Variants in VPS8 observed in about 807,000 individuals in gnomAD.
VPS8 encodes vacuolar protein sorting-associated protein 8 homolog.
Under a neutral mutation model 216.4 loss-of-function variants are expected in VPS8, and 129 were observed. That is an observed-to-expected ratio of 0.60 (90% CI 0.52 to 0.69). The LOEUF is 0.69. Among genes scored for constraint, VPS8 ranks in the 30% least tolerant of loss-of-function variants. The pLI is 0.00. For synonymous variants in VPS8, 571 were observed against 565.4 expected, an observed-to-expected ratio of 1.01 and a Z score of -0.14; for missense variants, 1,531 against 1,683.5, an observed-to-expected ratio of 0.91 and a Z score of 1.59.
intron 43 of VPS8, among the ~76,000 whole-genome samples, 161 bp downstream of exon 43, chr3:184,994,224 A>T (rs757198866): frequency 2.6e-5 from 4 of 152,086 alleles, no homozygotes; most frequent in Non-Finnish European, 5.9e-5. Context: ...TTCTCTCGCC[A>T]GGCATGGTAA....
intron 45 of VPS8, among the ~76,000 whole-genome samples, chr3:185,004,090 G>C (rs547749381): frequency 3.3e-5 from 5 of 152,248 alleles, no homozygotes; most frequent in Non-Finnish European, 5.9e-5. Flanking sequence ...CGGCCAGGCA[G>C]AGGCTGCAAT....
intron 28 of VPS8, among the ~76,000 whole-genome samples, chr3:184,915,685 T>G (rs1737429630): frequency 6.6e-6 from 1 of 152,168 alleles, no homozygotes; most frequent in Admixed American, 6.5e-5. Context: ...GGCAGGTGCC[T>G]GTAATCCCAG....
intron 30 of VPS8, among the ~76,000 whole-genome samples, chr3:184,926,113 C>T (rs1487016564): frequency 1.3e-5 from 2 of 150,338 alleles, no homozygotes; most frequent in African/African-American, 2.4e-5. Flanking sequence ...CGATGGCTCA[C>T]GCCTGTAATC....
intron 40 of VPS8, among the ~76,000 whole-genome samples, chr3:184,975,082 A>G (rs1404923580): frequency 6.6e-6 from 1 of 152,020 alleles, no homozygotes; most frequent in Non-Finnish European, 1.5e-5. Context: ...TGTGTTTTCT[A>G]TTTCTGTGAA....
At chr3:184,858,090 G>A (rs1448974579) in intron 14 of VPS8, among the ~76,000 whole-genome samples, 1 of 152,194 alleles carries the variant, frequency 6.6e-6, no homozygotes, top group Non-Finnish European at 1.5e-5. Context: ...GAGTGTGCAA[G>A]AAAGCCCAGG....
Position 184,852,572 on chromosome 3 carries a change from G to A in VPS8, c.821+5G>A. Reference sequence around the variant, plus strand: ...TGTTTTTGAATTGACATTTAAGTAAGAGACTAGTGGACATTTGTTGACAAA... The same window carrying A: ...TGTTTTTGAATTGACATTTAAGTAAAAGACTAGTGGACATTTGTTGACAAA... On this transcript the variant is annotated splice_donor_5th_base_variant and intron_variant, in intron 11 of 47. Transcript: ENST00000625842. 6.2e-7 allele frequency: 1 copy of A among 1,612,214 alleles called. No homozygotes were observed. Among genetic ancestry groups the A allele is most frequent in the Non-Finnish European group, 8.5e-7 (1 of 1,179,074 alleles).
chr3:184,881,544 G>C (rs949322640), intron 21 of VPS8, among the ~76,000 whole-genome samples: 16 of 152,006 alleles, frequency 1.1e-4, no homozygotes, highest in African/African-American at 3.1e-4. Flanking sequence ...ACATAATCTT[G>C]ATAACTGTAG....
intron 1 of VPS8, among the ~76,000 whole-genome samples, chr3:184,813,211 T>C (rs1715544462): frequency 6.6e-6 from 1 of 152,130 alleles, no homozygotes; most frequent in Non-Finnish European, 1.5e-5. Flanking sequence ...CCCCCTCCAC[T>C]TCTTAGATTC....
At chr3:185,003,602 C>A (rs1577121674) in intron 45 of VPS8, among the ~76,000 whole-genome samples, 1 of 152,024 alleles carries the variant, frequency 6.6e-6, no homozygotes, top group East Asian at 1.9e-4. Flanking sequence ...TTTTCCCCAC[C>A]TTTCCCCCTT....
intron 5 of VPS8, 145 bp from the exon 6 acceptor site, chr3:184,838,568 AT>A: frequency 6.5e-6 from 4 of 610,854 alleles, no homozygotes; most frequent in Non-Finnish European, 1.1e-5. Context: ...AGCTTTTGTA[AT>A]TTCTGTTAGT....
At chr3:184,869,731 A>AATAGAAAG (rs1047805919) in intron 20 of VPS8, among the ~76,000 whole-genome samples, 18 of 152,262 alleles carry the variant, frequency 1.2e-4, no homozygotes, top group African/African-American at 4.1e-4. Flanking sequence ...TCTAAAAAAA[A>AATAGAAAG]ATAGAAAGAT....
chr3:184,859,204 C>T (rs749859080), intron 14 of VPS8, among the ~76,000 whole-genome samples: 8 of 152,198 alleles, frequency 5.3e-5, no homozygotes, highest in Non-Finnish European at 1.2e-4. Flanking sequence ...TCTACAGCTG[C>T]AGGCTTCACC....
At chr3:184,816,782 A>C (rs1197037320) in intron 1 of VPS8, among the ~76,000 whole-genome samples, 5 of 152,140 alleles carry the variant, frequency 3.3e-5, no homozygotes, top group Admixed American at 2.6e-4. Context: ...AGGTGACGTG[A>C]ACTGCTTGGG....
chr3:184,992,389 A>C (rs910723140), intron 42 of VPS8, among the ~76,000 whole-genome samples: 1 of 152,154 alleles, frequency 6.6e-6, no homozygotes, highest in Non-Finnish European at 1.5e-5. Context: ...AAAGTAATTT[A>C]TTACTTAATT....
At chr3:184,995,380 C>G (rs1752482831) in intron 43 of VPS8, among the ~76,000 whole-genome samples, 1 of 152,110 alleles carries the variant, frequency 6.6e-6, no homozygotes, top group Non-Finnish European at 1.5e-5. Flanking sequence ...CCCAGTGAAG[C>G]TTGATAACCC....
At chr3:184,986,964 G>A (rs997802775) in intron 42 of VPS8, among the ~76,000 whole-genome samples, 1 of 152,018 alleles carries the variant, frequency 6.6e-6, no homozygotes, top group Admixed American at 6.6e-5. Context: ...GTTTACATTA[G>A]CAATCACCCT....
chr3:184,863,899 G>A (rs1726856176), intron 16 of VPS8, among the ~76,000 whole-genome samples: 1 of 152,168 alleles, frequency 6.6e-6, no homozygotes. Flanking sequence ...AAATATATAT[G>A]AAAGGGTCTT....
chr3:184,989,838 C>T (rs183881698), intron 42 of VPS8, among the ~76,000 whole-genome samples: 280 of 151,958 alleles, frequency 1.8e-3, no homozygotes, highest in African/African-American at 6.5e-3. Context: ...TTTGGGAGGC[C>T]GAGGCGGGCA....
intron 45 of VPS8, among the ~76,000 whole-genome samples, chr3:185,010,932 A>G (rs1754926395): frequency 6.6e-6 from 1 of 152,070 alleles, no homozygotes; most frequent in Non-Finnish European, 1.5e-5. Flanking sequence ...CCAGAAGGTC[A>G]AGGCTGCAGT....
Sources: gnomAD v4.1 joint callset for allele counts (sites outside exome capture counted in the v4.1 genomes callset) on GRCh38, gnomAD v4.1.1 for gene constraint, MANE v1.5 for transcripts, NCBI Gene and HGNC (gene_info 2026-07-23, HGNC 2026-07-21) for gene names.